Variants in MLXIP observed in about 807,000 individuals in gnomAD.
MLXIP encodes MLX-interacting protein.
In MLXIP, 30 loss-of-function variants were observed where a neutral mutation model predicts 87.2. That is an observed-to-expected ratio of 0.34 (90% confidence interval 0.26 to 0.47). The LOEUF is 0.47. Ranked by LOEUF, MLXIP falls within the 20% of genes least tolerant of loss-of-function variation. The probability of loss-of-function intolerance (pLI) is 1.00; values close to 1 mark genes in which losing one functional copy is unlikely to be tolerated. For synonymous variants in MLXIP, 530 were observed against 514.0 expected (o/e 1.03, Z -0.42); for missense variants, 1,002 against 1,240.1 (o/e 0.81, Z 2.88).
chr12:122,097,476 C>T (rs2135920172), intron 1 of MLXIP, among the ~76,000 whole-genome samples: 1 of 151,968 alleles, frequency 6.6e-6, no homozygotes, highest in African/African-American at 2.4e-5. Flanking sequence ...AAAAATTAGC[C>T]AGGTGTGGTG....
At chr12:122,138,733 G>A in intron 14 of MLXIP, 82 bp from the exon 15 acceptor site, 2 of 1,554,706 alleles carry the variant, frequency 1.3e-6, no homozygotes, top group Non-Finnish European at 1.7e-6. Flanking sequence ...GCCCGGCACT[G>A]GGCCAGCCCT....
Position 122,141,935 on chromosome 12 carries a change from C to A in MLXIP, c.*123C>A, listed in dbSNP as rs1593123998. The stretch of plus-strand genomic sequence containing the variant: ...CGGGGCCTCTCTCCAACTCTGCCGG[C>A]CCACCGTGGCATCGGGAGGCCATGC... On this transcript the variant is annotated 3_prime_UTR_variant, in exon 17 of 17. Coordinates refer to ENST00000319080, the MANE Select transcript of MLXIP (RefSeq NM_014938.6). 1 of 1,442,558 alleles carries A rather than the reference C, an allele frequency of 6.9e-7. No individual in the cohort carries two copies. Among genetic ancestry groups the A allele is most frequent in the Non-Finnish European group, 9.3e-7 (1 of 1,072,336 alleles). The allele number at this position is 1,442,558 out of a possible 1,614,324, so 89.4% of individuals were successfully genotyped here. A position where few individuals can be genotyped will look rare whatever the true frequency, so the allele number is the denominator to read the frequency against.
At chr12:122,122,531 T>TTTTTTC (rs1198209375) in intron 1 of MLXIP, among the ~76,000 whole-genome samples, 1 of 151,892 alleles carries the variant, frequency 6.6e-6, no homozygotes, top group African/African-American at 2.4e-5. Flanking sequence ...TCCCTGCTAC[T>TTTTTTC]TTTTTCTTTT....
chr12:122,101,823 C>G (rs1952443350), intron 1 of MLXIP, among the ~76,000 whole-genome samples: 7 of 152,140 alleles, frequency 4.6e-5, no homozygotes. Flanking sequence ...TTGTGATCCA[C>G]CCACCTTGGC....
At chr12:122,117,108 G>C (rs1017714565) in intron 1 of MLXIP, among the ~76,000 whole-genome samples, 14 of 152,234 alleles carry the variant, frequency 9.2e-5, no homozygotes, top group African/African-American at 2.4e-4. Flanking sequence ...TGGCACGCAT[G>C]TGGGCGGAGC....
At position 122,133,835 on chromosome 12, in the gene MLXIP, C is replaced by T; in HGVS notation, c.1580C>T (p.Pro527Leu). The T allele has an allele frequency of 1.9e-6, 3 of 1,613,072 alleles. No homozygotes were observed. Among genetic ancestry groups the T allele is most frequent in the Non-Finnish European group, 2.5e-6 (3 of 1,179,650 alleles). The change falls in exon 9 of 17, where the codon CCT becomes CTT. Residue 527 changes from proline (P) to leucine (L), a missense_variant. Physicochemically the swap from Pro to Leu is moderately conservative, Grantham distance 98. Coordinates refer to ENST00000319080, the MANE Select transcript of MLXIP (RefSeq NM_014938.6). The surrounding 1 kb of genome is among the most constrained non-coding windows in gnomAD (Gnocchi z 4.9). ...SAAPCGLALS[P>L]VTRPPQPRLT... ...GCCCCTTGTGGGCTGGCACTGTCTCCTGTCACCCGGCCTCCCCAGCCACGG... is the reference window on the plus strand; with the variant it reads ...GCCCCTTGTGGGCTGGCACTGTCTCTTGTCACCCGGCCTCCCCAGCCACGG...
At chr12:122,123,194 G>A (rs994685892) in intron 1 of MLXIP, among the ~76,000 whole-genome samples, 1 of 152,138 alleles carries the variant, frequency 6.6e-6, no homozygotes, top group African/African-American at 2.4e-5. Context: ...GACACCTGAC[G>A]CATTCATTGC....
chr12:122,104,575 C>CTTTT (rs751931978), intron 1 of MLXIP, among the ~76,000 whole-genome samples: 330 of 91,284 alleles, frequency 3.6e-3, no homozygotes, highest in Middle Eastern at 9.3e-3. Context: ...ATTACCTTTT[C>CTTTT]TTTTTTTTTT....
intron 1 of MLXIP, among the ~76,000 whole-genome samples, chr12:122,080,524 G>A (rs577040494): frequency 6.6e-6 from 1 of 152,266 alleles, no homozygotes; most frequent in Non-Finnish European, 1.5e-5. Flanking sequence ...GCGGTCCCTG[G>A]AATAAACGAT....
chr12:122,135,190 G>A lies in MLXIP; in HGVS notation c.1733-34G>A. The stretch of plus-strand genomic sequence containing the variant: ...AGGGTGGGCCAGGCCCTGTGGCCCA[G>A]GGCTGCACCTGAACATCCTCCTTAT... On this transcript the variant is annotated intron_variant, in intron 9 of 16. Transcript: ENST00000319080. The surrounding 1 kb of genome is among the most constrained non-coding windows in gnomAD (Gnocchi z 5.3). 1 of 1,608,758 alleles carries A rather than the reference G, an allele frequency of 6.2e-7. No homozygotes were observed. Among genetic ancestry groups the A allele is most frequent in the Non-Finnish European group, 8.5e-7 (1 of 1,178,076 alleles).
intron 2 of MLXIP, 67 bp downstream of exon 2, chr12:122,127,429 AG>A: frequency 8.7e-7 from 1 of 1,143,770 alleles, no homozygotes; most frequent in Non-Finnish European, 1.2e-6. Flanking sequence ...CTGGGCACCC[AG>A]GGACCAGAGT....
In MLXIP at chr12:122,078,966, C is replaced by G. The variant is rs927447486; in HGVS notation, c.113C>G (p.Pro38Arg). 2.7e-6 allele frequency: 3 copies of G among 1,092,424 alleles called. No homozygotes were observed. Among genetic ancestry groups the G allele is most frequent in the African/African-American group, 3.4e-5 (2 of 58,552 alleles). 67.7% of individuals were successfully genotyped at this position (1,092,424 alleles called of 1,614,324 possible). A position where few individuals can be genotyped will look rare whatever the true frequency, so the allele number is the denominator to read the frequency against. ...EDDDDSDTDE[P>R]SPPPASGAAT... Reference sequence around the variant, plus strand: ...GACGACGACTCGGACACGGATGAGCCGTCCCCGCCGCCCGCCTCCGGCGCG... The same window carrying G: ...GACGACGACTCGGACACGGATGAGCGGTCCCCGCCGCCCGCCTCCGGCGCG... Residue 38 changes from proline to arginine, a missense_variant, in exon 1 of 17, where the codon CCG becomes CGG. Around this residue, in one of 3 missense-constraint regions of MLXIP, gnomAD observed 129 missense variants for 104.2 expected, o/e 1.24. Coordinates refer to ENST00000319080, the MANE Select transcript of MLXIP (RefSeq NM_014938.6).
rs375824258 is a variant in MLXIP, at chr12:122,133,982, C to G, written c.1727C>G (p.Ala576Gly). The part of the protein sequence containing the change: ...VSLVLKNARI[A>G]PAAFSGQPQA... ...TTGGTGTTGAAGAATGCCCGTATCG[C>G]CCCAGGTGAGCCAGGCGGGGAGACT... Residue 576 changes from alanine (A) to glycine (G), a missense_variant, in exon 9 of 17, where the codon GCC (alanine) becomes GGC (glycine). Physicochemically the swap from Ala to Gly is moderately conservative, Grantham distance 60. This residue lies in a region of MLXIP where 746 missense variants were observed against 897.0 expected (regional missense o/e 0.83). Coordinates refer to ENST00000319080, the MANE Select transcript of MLXIP (RefSeq NM_014938.6). This position sits in a 1 kb window ranked among gnomAD's most constrained non-coding sequence, Gnocchi z 4.9. The G allele has an allele frequency of 6.3e-7, 1 of 1,596,500 alleles. No homozygotes were observed. The highest frequency in any genetic ancestry group is 8.5e-7 in the Non-Finnish European group (1 of 1,170,478).
intron 1 of MLXIP, among the ~76,000 whole-genome samples, chr12:122,094,534 GGTGTGT>G (rs1952316177): frequency 7.4e-6 from 1 of 135,786 alleles, no homozygotes. Flanking sequence ...TGTTGTGTGT[GGTGTGT>G]TGGTGTGTGG....
chr12:122,089,444 G>C (rs1952214987), intron 1 of MLXIP, among the ~76,000 whole-genome samples: 1 of 152,198 alleles, frequency 6.6e-6, no homozygotes, highest in East Asian at 1.9e-4. Flanking sequence ...TTCTAGTTGA[G>C]TAGCAGGGTC....
chr12:122,116,772 A>G (rs1952698520), intron 1 of MLXIP, among the ~76,000 whole-genome samples: 1 of 152,160 alleles, frequency 6.6e-6, no homozygotes, highest in Non-Finnish European at 1.5e-5. Flanking sequence ...CATATCTGCT[A>G]TGGCTGACCC....
chr12:122,113,331 T>C (rs1952632827), intron 1 of MLXIP, among the ~76,000 whole-genome samples: 1 of 152,124 alleles, frequency 6.6e-6, no homozygotes, highest in South Asian at 2.1e-4. Flanking sequence ...GAGTTCACAG[T>C]TCACTGCAGC....
chr12:122,142,440 T>C lies in MLXIP; in HGVS notation c.*628T>C. On this transcript the variant is annotated 3_prime_UTR_variant, in exon 17 of 17. Coordinates refer to ENST00000319080, the MANE Select transcript of MLXIP (RefSeq NM_014938.6). ...GACACATGTGTGCAGAAACGGTGGA[T>C]GTGGAACACACAGGACCAGAATGGA... 1 of 410,570 alleles carries C rather than the reference T, an allele frequency of 2.4e-6. No individual in the cohort carries two copies. The highest frequency in any genetic ancestry group is 1.9e-5 in the South Asian group (1 of 53,232). The allele number at this position is 410,570 out of a possible 1,614,324, so 25.4% of individuals were successfully genotyped here.
chr12:122,135,788 G>A lies in MLXIP; in HGVS notation c.2032+122G>A. On this transcript the variant is annotated intron_variant, in intron 11 of 16. Coordinates refer to ENST00000319080, the MANE Select transcript of MLXIP (RefSeq NM_014938.6). The surrounding 1 kb of genome is among the most constrained non-coding windows in gnomAD (Gnocchi z 5.3). ...AGCCTGGGCTTAGGACACACAGTGA[G>A]GTCTTGTAGGCCTGCTGATAACACA... 2 of 1,168,546 alleles carry A rather than the reference G, an allele frequency of 1.7e-6. No homozygotes were observed. The highest frequency in any genetic ancestry group is 1.7e-5 in the South Asian group (1 of 60,250). The allele number at this position is 1,168,546 out of a possible 1,614,324, so 72.4% of individuals were successfully genotyped here.
Sources: gnomAD v4.1 joint callset for allele counts (sites outside exome capture counted in the v4.1 genomes callset) on GRCh38, gnomAD v4.1.1 for gene constraint, gnomAD v4.1.1 regional missense constraint, Gnocchi (gnomAD v3.1) non-coding constraint, MANE v1.5 for transcripts, NCBI Gene and HGNC (gene_info 2026-07-23, HGNC 2026-07-21) for gene names.